The following DPP6 variants were observed in gnomAD, a reference collection of about 807,000 sequenced individuals.
DPP6 encodes the protein A-type potassium channel modulatory protein DPP6.
In DPP6, 69 loss-of-function variants were observed where a neutral mutation model predicts 122.6. The observed-to-expected ratio is 0.56, with a 90% confidence interval of 0.46 to 0.69. The LOEUF is 0.69. Ranked by LOEUF, DPP6 falls within the 30% of genes least tolerant of loss-of-function variation. DPP6 has a pLI of 0.00. For missense variants in DPP6, 928 were observed against 1,116.9 expected (o/e 0.83, Z 2.41); for synonymous variants, 418 against 433.1 (o/e 0.97, Z 0.43).
chr7:153,880,103 A>G, the DPP6 span, among the ~76,000 whole-genome samples: 1 of 152,168 alleles, frequency 6.6e-6, no homozygotes, highest in Non-Finnish European at 1.5e-5. Flanking sequence ...TGAACTGCTG[A>G]TGTTTGAATA....
chr7:154,155,662 C>T (rs574436690), intron 1 of DPP6, among the ~76,000 whole-genome samples: 5 of 152,270 alleles, frequency 3.3e-5, no homozygotes, highest in South Asian at 4.2e-4. Context: ...CTTCTGAAAA[C>T]GTAATCATCA....
intron 1 of DPP6, among the ~76,000 whole-genome samples, chr7:154,055,386 A>T (rs1585241774): frequency 6.7e-6 from 1 of 149,146 alleles, no homozygotes; most frequent in Admixed American, 6.8e-5. Flanking sequence ...TTACTAAAAG[A>T]TAGATGAACA....
At chr7:154,313,452 C>G (rs79625918) in intron 1 of DPP6, among the ~76,000 whole-genome samples, 1 of 151,676 alleles carries the variant, frequency 6.6e-6, no homozygotes, top group East Asian at 1.9e-4. Context: ...GAAGTCTGAA[C>G]GTGGCACGAG....
At chr7:154,068,406 G>A (rs1264585715) in intron 1 of DPP6, among the ~76,000 whole-genome samples, 11 of 148,080 alleles carry the variant, frequency 7.4e-5, no homozygotes, top group Non-Finnish European at 3.0e-5. Flanking sequence ...TGGAAAAAAG[G>A]ATGGGAAGAA....
At chr7:154,707,985 C>T (rs1840927949) in intron 7 of DPP6, among the ~76,000 whole-genome samples, 2 of 152,096 alleles carry the variant, frequency 1.3e-5, no homozygotes, top group Admixed American at 1.3e-4. Flanking sequence ...CCGTTACAAG[C>T]CAGTATAACA....
At chr7:154,805,085 G>A in intron 15 of DPP6, 121 bp downstream of exon 15, 2 of 1,345,366 alleles carry the variant, frequency 1.5e-6, no homozygotes, top group East Asian at 2.5e-5. Context: ...CCACCACAGA[G>A]GAGTAGCTGT....
intron 8 of DPP6, among the ~76,000 whole-genome samples, chr7:154,767,742 T>C (rs1359697563): frequency 6.6e-6 from 1 of 152,070 alleles, no homozygotes; most frequent in Non-Finnish European, 1.5e-5. Context: ...CCAGGGCTCC[T>C]GAATTCATTT....
intron 1 of DPP6, among the ~76,000 whole-genome samples, chr7:154,082,844 T>G (rs1039192166): frequency 4.4e-5 from 5 of 112,820 alleles, no homozygotes. Context: ...TCTTTTCTTT[T>G]TCTTTTTTTT....
At chr7:153,823,323 C>T in the DPP6 span, among the ~76,000 whole-genome samples, 1 of 151,756 alleles carries the variant, frequency 6.6e-6, no homozygotes, top group East Asian at 2.0e-4. Flanking sequence ...TGATCTCCTT[C>T]TCTTCCAGAA....
chr7:153,764,948 C>A, the DPP6 span, among the ~76,000 whole-genome samples: 2 of 152,200 alleles, frequency 1.3e-5, no homozygotes, highest in Admixed American at 6.5e-5. Flanking sequence ...TCCAAAGCAC[C>A]CGTTTCAGGC....
chr7:154,874,885 C>G (rs947920275), intron 19 of DPP6, among the ~76,000 whole-genome samples: 1 of 152,216 alleles, frequency 6.6e-6, no homozygotes, highest in African/African-American at 2.4e-5. Context: ...TAGAAAATGG[C>G]CCTGTTCCCA....
At chr7:154,010,711 T>C (rs569144309) in intron 1 of DPP6, among the ~76,000 whole-genome samples, 1 of 152,306 alleles carries the variant, frequency 6.6e-6, no homozygotes, top group South Asian at 2.1e-4. Flanking sequence ...TGAAGAGAGC[T>C]TGACTTGGGG....
At chr7:154,406,535 A>G (rs1816131042) in intron 1 of DPP6, among the ~76,000 whole-genome samples, 1 of 152,052 alleles carries the variant, frequency 6.6e-6, no homozygotes, top group Non-Finnish European at 1.5e-5. Context: ...ATGCACACAC[A>G]CACGCACCTG....
intron 1 of DPP6, among the ~76,000 whole-genome samples, chr7:154,036,791 G>GTATA (rs1232247533): frequency 3.3e-5 from 5 of 152,064 alleles, no homozygotes; most frequent in Non-Finnish European, 5.9e-5. Context: ...AAACAACTGC[G>GTATA]TATAGGAAGA....
rs553132064 is a variant in DPP6, at chr7:154,269,636, T to C, written c.244-176578T>C. 1.1e-4 allele frequency among the ~76,000 whole-genome samples: 17 copies of C among 152,340 alleles called. No homozygotes were observed. In the South Asian group the frequency reaches 3.5e-3, roughly 32 times the overall value. On this transcript the variant is annotated intron_variant, in intron 1 of 25. Transcript: ENST00000377770. ...GATCATGGACAAGTTCCTCCGCTTC[T>C]CTGGGCTTTGGCTTTCTTTTCTGTA...
chr7:153,894,325 G>A (rs1431674234), intron 1 of DPP6, among the ~76,000 whole-genome samples: 1 of 152,116 alleles, frequency 6.6e-6, no homozygotes, highest in Non-Finnish European at 1.5e-5. Flanking sequence ...TTTTGGTTGT[G>A]GGAGCCAATT....
chr7:153,848,244 C>G, the DPP6 span, among the ~76,000 whole-genome samples: 18 of 150,046 alleles, frequency 1.2e-4, no homozygotes, highest in South Asian at 3.2e-3. Context: ...GTCGCCCCCC[C>G]ACCAATCCCC....
At chr7:154,375,531 G>T (rs12667539) in intron 1 of DPP6, among the ~76,000 whole-genome samples, 91,082 of 151,946 alleles carry the variant, frequency 0.6, 30,970 homozygotes, top group East Asian at 0.75. Context: ...GTGAGATGAG[G>T]TCATGAAGGC....
intron 1 of DPP6, among the ~76,000 whole-genome samples, chr7:153,920,193 C>T (rs999719530): frequency 8.5e-5 from 9 of 106,120 alleles, no homozygotes; most frequent in Admixed American, 4.4e-4. Context: ...TAATTAGCTT[C>T]CCTGAAAGTC....
Sources: allele counts gnomAD v4.1 joint callset (sites outside exome capture counted in the v4.1 genomes callset), GRCh38; gene constraint gnomAD v4.1.1; transcripts MANE v1.5; gene names NCBI Gene and HGNC (gene_info 2026-07-23, HGNC 2026-07-21).